Variants in SBNO1 observed in about 807,000 individuals in gnomAD.
SBNO1 encodes the protein strawberry notch homolog 1.
SBNO1 carries 23 observed loss-of-function variants against 173.6 expected under a neutral mutation model. That is an observed-to-expected ratio of 0.13 (90% CI 0.10 to 0.19). SBNO1 has a LOEUF of 0.19. SBNO1 is among the 10% of genes least tolerant of loss of function. SBNO1 has a pLI of 1.00. For missense variants in SBNO1, 1,238 were observed against 1,671.2 expected (o/e 0.74, Z 4.52); for synonymous variants, 632 against 571.5 (o/e 1.11, Z -1.51).
rs1305481136 is a variant in SBNO1 at position 123,295,540 on chromosome 12, T to C, written c.*368A>G. The C allele has an allele frequency of 2.0e-5, 4 of 195,264 alleles. No homozygotes were observed. The highest frequency in any genetic ancestry group is 2.3e-5 in the African/African-American group (1 of 43,556). 12.1% of individuals were successfully genotyped at this position (195,264 alleles called of 1,614,324 possible). ...TGTACTGCGTTAACCCTGAGCACTGTATAAACATAAAGTAAAGCCAGTTTG... is the reference window on the plus strand; with the variant it reads ...TGTACTGCGTTAACCCTGAGCACTGCATAAACATAAAGTAAAGCCAGTTTG... On this transcript the variant is annotated 3_prime_UTR_variant, in exon 32 of 32. Coordinates refer to ENST00000602398, the MANE Select transcript of SBNO1 (RefSeq NM_001167856.3).
chr12:123,355,473 G>T (rs12315739), intron 1 of SBNO1, among the ~76,000 whole-genome samples: 3 of 152,102 alleles, frequency 2.0e-5, no homozygotes, highest in South Asian at 4.1e-4. Flanking sequence ...GTGTGGTGGC[G>T]GGCGCCTGTA....
Position 123,327,413 on chromosome 12 carries a change from A to G in SBNO1, c.1692+13T>C. On this transcript the variant is annotated intron_variant, in intron 13 of 31. Transcript: ENST00000602398. ...CATTAAATAAACACTAGGAATTAAGAAAAATTCCTCACCAGCTTGACAGCT... is the reference window on the plus strand; with the variant it reads ...CATTAAATAAACACTAGGAATTAAGGAAAATTCCTCACCAGCTTGACAGCT... The G allele has an allele frequency of 6.2e-7, 1 of 1,602,552 alleles. No homozygotes were observed. The highest frequency in any genetic ancestry group is 8.5e-7 in the Non-Finnish European group (1 of 1,175,012).
intron 13 of SBNO1, 151 bp downstream of exon 13, chr12:123,327,275 T>C: frequency 1.5e-6 from 1 of 659,794 alleles, no homozygotes; most frequent in African/African-American, 1.8e-5. Flanking sequence ...CCTCCCAAAG[T>C]GCTGAGGCAT....
intron 15 of SBNO1, among the ~76,000 whole-genome samples, chr12:123,324,059 T>C (rs1004646964): frequency 1.2e-4 from 19 of 152,256 alleles, no homozygotes; most frequent in African/African-American, 4.6e-4. Context: ...ATTAAAAAAG[T>C]AAAAAATAAA....
chr12:123,339,466 C>T (rs1872273097), intron 5 of SBNO1, among the ~76,000 whole-genome samples: 1 of 152,094 alleles, frequency 6.6e-6, no homozygotes, highest in Non-Finnish European at 1.5e-5. Flanking sequence ...TCCATGTCTA[C>T]TGGCTCAATG....
chr12:123,358,604 G>A (rs1011640620), intron 1 of SBNO1, among the ~76,000 whole-genome samples: 6 of 151,886 alleles, frequency 4.0e-5, no homozygotes, highest in South Asian at 2.1e-4. Context: ...TTAGCCGGGC[G>A]CGGTGGCAGG....
Position 123,350,335 on chromosome 12 carries a change from G to C in SBNO1, c.107C>G (p.Pro36Arg). 6.2e-7 allele frequency: 1 copy of C among 1,614,070 alleles called. No individual in the cohort carries two copies. The highest frequency in any genetic ancestry group is 8.5e-7 in the Non-Finnish European group (1 of 1,179,958). The change falls in exon 2 of 32, where the codon CCA becomes CGA. Residue 36 changes from proline to arginine, a missense_variant. Physicochemically the swap from Pro to Arg is moderately radical, Grantham distance 103. This residue lies in a region of SBNO1 where 287 missense variants were observed against 274.1 expected (regional missense o/e 1.05). Coordinates refer to ENST00000602398, the MANE Select transcript of SBNO1 (RefSeq NM_001167856.3). ...IDGGDAGLATPMPTPSVQQSV... is the reference protein window; with the variant it reads ...IDGGDAGLATRMPTPSVQQSV... Reference sequence around the variant, plus strand: ...CTGCTGAACTGACGGGGTAGGCATTGGAGTTGCAAGCCCTGCATCTCCACC... The same window carrying C: ...CTGCTGAACTGACGGGGTAGGCATTCGAGTTGCAAGCCCTGCATCTCCACC...
chr12:123,311,182 G>T, intron 24 of SBNO1, 53 bp from the exon 25 acceptor site: 2 of 1,281,486 alleles, frequency 1.6e-6, no homozygotes, highest in Non-Finnish European at 2.3e-6. Context: ...TGTCTACAAT[G>T]TACCACTAAG....
At chr12:123,335,610 C>T (rs1871748194) in intron 6 of SBNO1, among the ~76,000 whole-genome samples, 1 of 152,170 alleles carries the variant, frequency 6.6e-6, no homozygotes, top group African/African-American at 2.4e-5. Flanking sequence ...TTAGGCCATC[C>T]TGTCTCTTGT....
At chr12:123,327,359 G>A (rs759013170) in intron 13 of SBNO1, 67 bp downstream of exon 13, 11 of 1,391,062 alleles carry the variant, frequency 7.9e-6, no homozygotes, top group Middle Eastern at 2.3e-4. Context: ...CATCGCAATC[G>A]CCAAAACTAA....
chr12:123,330,119 A>G (rs1023987468), intron 9 of SBNO1, among the ~76,000 whole-genome samples: 10 of 152,254 alleles, frequency 6.6e-5, no homozygotes, highest in Non-Finnish European at 1.3e-4. Flanking sequence ...AAAGATAAAA[A>G]TAACACTGAA....
intron 7 of SBNO1, among the ~76,000 whole-genome samples, chr12:123,331,711 C>CG (rs1314164929): frequency 1.7e-4 from 26 of 151,744 alleles, no homozygotes; most frequent in African/African-American, 4.8e-4. Context: ...TTAGTAGAAA[C>CG]GGGTTTCACC....
At chr12:123,348,970 A>C (rs1023147863) in intron 2 of SBNO1, 1 of 139,614 alleles carries the variant, frequency 7.2e-6, no homozygotes, top group Non-Finnish European at 1.5e-5. Flanking sequence ...AAGAAAAAAA[A>C]ATTTTTTTTA....
rs1374473709 is a variant in SBNO1, at chr12:123,345,460, T to G, written c.348A>C (p.Gln116His). 2 of 1,614,044 alleles carry G rather than the reference T, an allele frequency of 1.2e-6. No homozygotes were observed. The highest frequency in any genetic ancestry group is 2.7e-5 in the African/African-American group (2 of 74,898). Residue 116 changes from glutamine (Q) to histidine (H), a missense_variant, in exon 4 of 32, where the codon CAA (glutamine) becomes CAC (histidine). This residue lies in a region of SBNO1 where 287 missense variants were observed against 274.1 expected (regional missense o/e 1.05). Transcript: ENST00000602398. ...TKTPPVTTNR[Q>H]TITLTKFIQT... ...GGATAAACTTAGTTAAAGTGATGGT[T>G]TGCCTGTTGGTTGTTACAGGTGGTG...
At chr12:123,311,704 C>CT (rs980232715) in intron 24 of SBNO1, among the ~76,000 whole-genome samples, 2 of 60,478 alleles carry the variant, frequency 3.3e-5, no homozygotes, top group African/African-American at 6.1e-5. Flanking sequence ...ATCTATCTAT[C>CT]TATCTATCTA....
chr12:123,321,189 T>C (rs1869929053), intron 17 of SBNO1, among the ~76,000 whole-genome samples: 1 of 152,150 alleles, frequency 6.6e-6, no homozygotes, highest in South Asian at 2.1e-4. Context: ...TCCACCCACC[T>C]TAGCCTCCCA....
chr12:123,352,170 T>C (rs1873952596), intron 1 of SBNO1, among the ~76,000 whole-genome samples: 1 of 152,238 alleles, frequency 6.6e-6, no homozygotes, highest in Non-Finnish European at 1.5e-5. Flanking sequence ...ACAAACATAC[T>C]TATGAAAAAT....
chr12:123,316,591 C>G (rs2138949616), intron 21 of SBNO1, among the ~76,000 whole-genome samples: 1 of 152,226 alleles, frequency 6.6e-6, no homozygotes, highest in South Asian at 2.1e-4. Context: ...GAAATCATAT[C>G]TCACTGCAAC....
intron 4 of SBNO1, among the ~76,000 whole-genome samples, chr12:123,341,867 G>A (rs1439643747): frequency 6.6e-6 from 1 of 151,764 alleles, no homozygotes; most frequent in Non-Finnish European, 1.5e-5. Flanking sequence ...ATGAAAACAT[G>A]TAAACCCATG....
Sources: allele counts gnomAD v4.1 joint callset (sites outside exome capture counted in the v4.1 genomes callset), GRCh38; gene constraint gnomAD v4.1.1; regional missense constraint gnomAD v4.1.1; transcripts MANE v1.5; gene names NCBI Gene and HGNC (gene_info 2026-07-23, HGNC 2026-07-21).